The following VWA3B variants were observed in gnomAD, a reference collection of about 807,000 sequenced individuals.
VWA3B encodes the protein von Willebrand factor A domain-containing protein 3B.
VWA3B carries 138 observed loss-of-function variants against 158.3 expected under a neutral mutation model. The ratio of observed to expected loss-of-function variants is 0.87; its 90% CI spans 0.76 to 1.00. The LOEUF (loss-of-function observed/expected upper bound fraction) is 1.00. VWA3B is among the 50% of genes least tolerant of loss of function. VWA3B has a pLI of 0.00. For missense variants in VWA3B, 1,555 were observed against 1,565.1 expected, an observed-to-expected ratio of 0.99 and a Z score of 0.11; for synonymous variants, 596 against 587.3, an observed-to-expected ratio of 1.01 and a Z score of -0.21.
chr2:98,196,176 A>G (rs1425473465), intron 12 of VWA3B, among the ~76,000 whole-genome samples: 1 of 152,158 alleles, frequency 6.6e-6, no homozygotes, highest in Non-Finnish European at 1.5e-5. Context: ...GTTAGACAGG[A>G]GGAATAAGTT....
At chr2:98,268,598 C>T (rs1353548591) in intron 21 of VWA3B, among the ~76,000 whole-genome samples, 1 of 149,804 alleles carries the variant, frequency 6.7e-6, no homozygotes, top group Non-Finnish European at 1.5e-5. Flanking sequence ...TATTTGTTGT[C>T]TCTGTTTTCT....
intron 2 of VWA3B, among the ~76,000 whole-genome samples, chr2:98,104,837 T>G (rs1374509713): frequency 6.6e-6 from 1 of 152,240 alleles, no homozygotes; most frequent in African/African-American, 2.4e-5. Flanking sequence ...ATCCTTAACT[T>G]GTTACAGTCC....
intron 19 of VWA3B, 50 bp from the exon 20 acceptor site, chr2:98,250,268 G>A (rs773798794): frequency 8.5e-6 from 12 of 1,418,240 alleles, no homozygotes; most frequent in East Asian, 7.1e-5. Flanking sequence ...TCGAAGGCAC[G>A]CATTAACCTA....
intron 14 of VWA3B, among the ~76,000 whole-genome samples, chr2:98,227,936 A>G (rs1367676809): frequency 6.6e-6 from 1 of 152,226 alleles, no homozygotes; most frequent in Non-Finnish European, 1.5e-5. Context: ...TAAAAATGGG[A>G]TAATATAAGA....
At chr2:98,273,173 A>G (rs62157904) in intron 22 of VWA3B, among the ~76,000 whole-genome samples, 5,912 of 152,312 alleles carry the variant, frequency 0.039, 168 homozygotes, top group Middle Eastern at 0.075. Context: ...ATTCCCAAAG[A>G]TCTGACCTTT....
intron 25 of VWA3B, 60 bp from the exon 26 acceptor site, chr2:98,303,642 G>A (rs1690336504): frequency 1.4e-6 from 2 of 1,479,576 alleles, no homozygotes; most frequent in East Asian, 2.3e-5. Context: ...GAATAAAATT[G>A]TATCTGAATT....
rs1684232175 is a variant in VWA3B at position 98,218,637 on chromosome 2, C to T, written c.2019+609C>T. On this transcript the variant is annotated intron_variant, in intron 14 of 27. Coordinates refer to ENST00000477737, the MANE Select transcript of VWA3B (RefSeq NM_144992.5). ...GGGAGAAAGCAAATAAAATTCTGTTCTCTCATCCTCCAGACTTGGCCTGTG... is the reference window on the plus strand; with the variant it reads ...GGGAGAAAGCAAATAAAATTCTGTTTTCTCATCCTCCAGACTTGGCCTGTG... Among the ~76,000 whole-genome samples, 3 of 152,218 alleles carry T rather than the reference C, an allele frequency of 2.0e-5. No individual in the cohort carries two copies. In the South Asian group the frequency reaches 6.2e-4, roughly 32 times the overall value.
intron 7 of VWA3B, among the ~76,000 whole-genome samples, chr2:98,159,348 A>G (rs983783603): frequency 2.0e-5 from 3 of 152,092 alleles, no homozygotes; most frequent in African/African-American, 7.2e-5. Context: ...TCCCAGGTTC[A>G]AGAGATTCTC....
At chr2:98,112,679 GT>G (rs201999537) in intron 2 of VWA3B, among the ~76,000 whole-genome samples, 2 of 151,060 alleles carry the variant, frequency 1.3e-5, no homozygotes, top group Admixed American at 6.6e-5. Flanking sequence ...GATCTGTAGG[GT>G]TTTTTTTAAT....
At chr2:98,323,018 A>G in the VWA3B span, among the ~76,000 whole-genome samples, 2 of 152,248 alleles carry the variant, frequency 1.3e-5, no homozygotes, top group African/African-American at 4.8e-5. Context: ...TAAGAACACA[A>G]CAGAATCCAG....
intron 6 of VWA3B, among the ~76,000 whole-genome samples, chr2:98,130,819 T>C (rs1675806812): frequency 6.6e-6 from 1 of 152,242 alleles, no homozygotes; most frequent in South Asian, 2.1e-4. Flanking sequence ...ATCTGATCTC[T>C]CTTTTCGCCA....
chr2:98,255,189 T>TTG (rs919249280), intron 20 of VWA3B, among the ~76,000 whole-genome samples: 4 of 120,816 alleles, frequency 3.3e-5, no homozygotes, highest in Non-Finnish European at 3.7e-5. Flanking sequence ...GATATTTTTT[T>TTG]TTTTTTTTTT....
chr2:98,221,471 C>T (rs1684504005), intron 14 of VWA3B, among the ~76,000 whole-genome samples: 1 of 152,310 alleles, frequency 6.6e-6, no homozygotes, highest in African/African-American at 2.4e-5. Flanking sequence ...CTTTCACCCA[C>T]TCTCTTGCTT....
At position 98,112,284 on chromosome 2, in the gene VWA3B, GT is replaced by G. The variant is rs1412127561; in HGVS notation, c.197-3367del. 4.4e-4 allele frequency among the ~76,000 whole-genome samples: 14 copies of G among 31,562 alleles called. No homozygotes were observed. In the African/African-American group the frequency reaches 0.012, roughly 26 times the overall value. 20.7% of individuals were successfully genotyped at this position (31,562 alleles called of 152,430 possible). A position where few individuals can be genotyped will look rare whatever the true frequency, so the allele number is the denominator to read the frequency against. On this transcript the variant is annotated intron_variant, in intron 2 of 27. Coordinates refer to ENST00000477737, the MANE Select transcript of VWA3B (RefSeq NM_144992.5). ...ATTGTTCTATATGTCTGTTTGGGGT[GT>G]GTGTGTGTGTGTGTGTGGGTGTGTG...
chr2:98,158,732 A>G (rs1678315983), intron 7 of VWA3B, among the ~76,000 whole-genome samples: 1 of 132,100 alleles, frequency 7.6e-6, no homozygotes, highest in South Asian at 2.7e-4. Flanking sequence ...AGTCAAGACT[A>G]TGTCTTCAGT....
At chr2:98,216,984 C>CACT (rs1553417734) in intron 13 of VWA3B, 3 of 1,239,864 alleles carry the variant, frequency 2.4e-6, no homozygotes, top group Non-Finnish European at 3.1e-6. Context: ...TTGTAAGCAC[C>CACT]CGCCCCGCAC....
At chr2:98,301,351 C>T (rs1558777153) in intron 25 of VWA3B, among the ~76,000 whole-genome samples, 1 of 152,098 alleles carries the variant, frequency 6.6e-6, no homozygotes, top group Non-Finnish European at 1.5e-5. Flanking sequence ...AACATTCACT[C>T]TGCTCTTTAT....
chr2:98,289,879 T>C (rs1689384117), intron 22 of VWA3B, among the ~76,000 whole-genome samples: 2 of 152,234 alleles, frequency 1.3e-5, no homozygotes, highest in Admixed American at 1.3e-4. Flanking sequence ...ACTCATCCAA[T>C]TCTCCTTGTA....
In VWA3B at chr2:98,093,177, G is replaced by A; in HGVS notation, c.85G>A (p.Ala29Thr). The part of the protein sequence containing the change: ...EGWINTKTDL[A>T]EQSLISSEKW... Reference sequence around the variant, plus strand: ...ATGGATTAACACCAAAACAGACTTGGCTGAGCAGAGTCTCATTTCATCTGA... The same window carrying A: ...ATGGATTAACACCAAAACAGACTTGACTGAGCAGAGTCTCATTTCATCTGA... The change falls in exon 2 of 28, where the codon GCT becomes ACT. Residue 29 changes from alanine to threonine, a missense_variant. Coordinates refer to ENST00000477737, the MANE Select transcript of VWA3B (RefSeq NM_144992.5). The A allele has an allele frequency of 6.2e-7, 1 of 1,614,106 alleles. No individual in the cohort carries two copies. Among genetic ancestry groups the A allele is most frequent in the South Asian group, 1.1e-5 (1 of 91,078 alleles).
Sources: allele counts gnomAD v4.1 joint callset (sites outside exome capture counted in the v4.1 genomes callset), GRCh38; gene constraint gnomAD v4.1.1; transcripts MANE v1.5; gene names NCBI Gene and HGNC (gene_info 2026-07-23, HGNC 2026-07-21).